SART3: variants seen among roughly 807,000 people sequenced by gnomAD.
SART3 encodes HIV-1 Tat-interacting protein of 110kDa.
SART3 carries 44 observed loss-of-function variants against 122.3 expected under a neutral mutation model. The observed-to-expected ratio is 0.36, with a 90% CI of 0.28 to 0.46. The LOEUF is 0.46. SART3 is among the 20% of genes least tolerant of loss of function. SART3 has a pLI of 1.00. For synonymous variants in SART3, 442 were observed against 454.0 expected (o/e 0.97, Z 0.34); for missense variants, 1,101 against 1,229.0 (o/e 0.90, Z 1.56).
intron 11 of SART3, 177 bp from the exon 12 acceptor site, chr12:108,535,645 A>G: frequency 1.5e-6 from 1 of 660,952 alleles, no homozygotes; most frequent in Non-Finnish European, 2.8e-6. Flanking sequence ...CAAACACTTG[A>G]GCCTTTCTGC....
Position 108,523,385 on chromosome 12 carries a change from T to G in SART3, c.*72A>C. 1 of 1,502,688 alleles carries G rather than the reference T, an allele frequency of 6.7e-7. No homozygotes were observed. Among genetic ancestry groups the G allele is most frequent in the Non-Finnish European group, 9.3e-7 (1 of 1,080,320 alleles). The allele number at this position is 1,502,688 out of a possible 1,614,324, so 93.1% of individuals were successfully genotyped here. A position where few individuals can be genotyped will look rare whatever the true frequency, so the allele number is the denominator to read the frequency against. The stretch of plus-strand genomic sequence containing the variant: ...GCACACCAGGCCTGTCCATCCCCAG[T>G]GCACTGCTGGGTGGTGGGAGGTCCG... On this transcript the variant is annotated 3_prime_UTR_variant, in exon 19 of 19. Coordinates refer to ENST00000546815, the MANE Select transcript of SART3 (RefSeq NM_014706.4).
chr12:108,530,277 C>T lies in SART3; in HGVS notation c.1780G>A (p.Glu594Lys), dbSNP rs138271214. Residue 594 changes from glutamate to lysine, a missense_variant, in exon 15 of 19, where the codon GAA (glutamate) becomes AAA (lysine). Glu to Lys is a moderately conservative substitution (Grantham distance 56). This residue lies in a region of SART3 where 885 missense variants were observed against 1,080.1 expected (regional missense o/e 0.82). Transcript: ENST00000546815. ...TTCCGTTGTTCAGCCTTTTCTTCTT[C>T]TTGCTGCACAAGGGCTGCTTCCTTC... ...AEKEAALVQQ[E>K]EEKAEQRKRA... The T allele has an allele frequency of 7.4e-5, 119 of 1,614,138 alleles. No individual in the cohort carries two copies. In the African/African-American group the frequency reaches 1.4e-3, roughly 19 times the overall value.
Position 108,536,771 on chromosome 12 carries a change from G to C in SART3, c.1324C>G (p.Leu442Val). Residue 442 changes from leucine to valine, a missense_variant, in exon 10 of 19, where the codon CTG becomes GTG. Leu to Val is a conservative substitution (Grantham distance 32). Transcript: ENST00000546815. ...GTAAAGGCGGCCCTCAACTCCTCCA[G>C]CTCTTTACTGGAGTCTAACGGAAAG... ...VDFKQDSSKE[L>V]EELRAAFTRA... 6.2e-7 allele frequency: 1 copy of C among 1,613,762 alleles called. No homozygotes were observed. The highest frequency in any genetic ancestry group is 2.2e-5 in the East Asian group (1 of 44,880).
chr12:108,556,432 T>C (rs1375209541), intron 1 of SART3, among the ~76,000 whole-genome samples: 1 of 152,194 alleles, frequency 6.6e-6, no homozygotes, highest in African/African-American at 2.4e-5. Context: ...CTGCTTTGTA[T>C]TTATCAAATT....
intron 12 of SART3, among the ~76,000 whole-genome samples, chr12:108,534,263 T>A (rs1485890604): frequency 4.6e-5 from 7 of 152,120 alleles, no homozygotes; most frequent in Admixed American, 2.0e-4. Context: ...ACATAAAAGT[T>A]TTTTGGGATC....
In SART3 at chr12:108,544,482, T is replaced by C. The variant is rs753718709; in HGVS notation, c.730-4A>G. The C allele has an allele frequency of 2.5e-6, 4 of 1,614,234 alleles. No homozygotes were observed. The Admixed American group carries it at 6.7e-5, about 27-fold the overall frequency. ...AAAGACTGTGGACTTTCTCAAGCTG[T>C]GAATCAAAGGTTTGTTCCCGGTCAA... is the stretch of plus-strand genomic sequence containing the variant. On this transcript the variant is annotated splice_polypyrimidine_tract_variant and splice_region_variant and intron_variant, in intron 4 of 18. Coordinates refer to ENST00000546815, the MANE Select transcript of SART3 (RefSeq NM_014706.4).
intron 16 of SART3, chr12:108,525,893 C>T (rs374132818): frequency 4.8e-6 from 3 of 622,990 alleles, no homozygotes; most frequent in South Asian, 3.9e-5. Context: ...AGTCCCTTGT[C>T]ATTGCTAAGC....
chr12:108,531,682 C>A, intron 13 of SART3: 1 of 265,304 alleles, frequency 3.8e-6, no homozygotes, highest in Admixed American at 5.0e-5. Flanking sequence ...AGACCAATAC[C>A]CACAGATAAG....
intron 12 of SART3, 177 bp from the exon 13 acceptor site, chr12:108,532,511 T>C (rs891450604): frequency 1.5e-5 from 9 of 593,702 alleles, no homozygotes; most frequent in Non-Finnish European, 2.4e-5. Context: ...TACAGTCACC[T>C]ACGAAGTATT....
chr12:108,558,028 G>A (rs2030306249), intron 1 of SART3, among the ~76,000 whole-genome samples: 1 of 152,084 alleles, frequency 6.6e-6, no homozygotes. Flanking sequence ...AATTAGCCAG[G>A]CATGGGGGTG....
chr12:108,547,770 T>TA (rs1225461012), intron 3 of SART3, 117 bp downstream of exon 3: 3 of 736,062 alleles, frequency 4.1e-6, no homozygotes, highest in Non-Finnish European at 7.2e-6. Context: ...TAAATCTTGC[T>TA]AATTGTGAAA....
chr12:108,532,214 G>A lies in SART3; in HGVS notation c.1669+8C>T, dbSNP rs1872709668. On this transcript the variant is annotated splice_region_variant and intron_variant, in intron 13 of 18. Coordinates refer to ENST00000546815, the MANE Select transcript of SART3 (RefSeq NM_014706.4). Reference sequence around the variant, plus strand: ...GGCTCCAAGCCAGAAGAGAGCTGGGGGTCCCACCTTCTGTCCTCTCCATGG... The same window carrying A: ...GGCTCCAAGCCAGAAGAGAGCTGGGAGTCCCACCTTCTGTCCTCTCCATGG... The A allele has an allele frequency of 4.3e-6, 7 of 1,610,338 alleles. No homozygotes were observed. The highest frequency in any genetic ancestry group is 5.1e-6 in the Non-Finnish European group (6 of 1,176,902).
intron 4 of SART3, 171 bp from the exon 5 acceptor site, chr12:108,544,649 C>A: frequency 1.2e-6 from 1 of 860,878 alleles, no homozygotes; most frequent in Non-Finnish European, 1.9e-6. Flanking sequence ...TCACTACAGC[C>A]TCACACTCCA....
In SART3 at chr12:108,522,277, TGTTAA is replaced by T. The variant is rs771633553; in HGVS notation, c.*1175_*1179del. ...CTTTTTAATCGGTTATATTAAAAAA[TGTTAA>T]GTTAAAAAAATATAGAAAACCCGAC... On this transcript the variant is annotated 3_prime_UTR_variant, in exon 19 of 19. Transcript: ENST00000546815. Among the ~76,000 whole-genome samples, 28 of 152,292 alleles carry T rather than the reference TGTTAA, an allele frequency of 1.8e-4. No homozygotes were observed. The highest frequency in any genetic ancestry group is 6.0e-4 in the African/African-American group (25 of 41,544).
chr12:108,538,726 A>G (rs763148761), intron 7 of SART3, among the ~76,000 whole-genome samples: 8 of 152,260 alleles, frequency 5.3e-5, no homozygotes, highest in Non-Finnish European at 8.8e-5. Context: ...CTCAACACAG[A>G]CAATATGCTC....
At chr12:108,535,997 G>C (rs983481931) in intron 11 of SART3, among the ~76,000 whole-genome samples, 2 of 152,156 alleles carry the variant, frequency 1.3e-5, no homozygotes. Context: ...GATTAGAATT[G>C]TTACAATCCT....
intron 10 of SART3, 30 bp downstream of exon 10, chr12:108,536,678 G>A (rs1475236747): frequency 2.5e-6 from 4 of 1,611,926 alleles, no homozygotes; most frequent in African/African-American, 2.7e-5. Context: ...AAATACAACT[G>A]GGCAAAACCA....
intron 6 of SART3, among the ~76,000 whole-genome samples, chr12:108,542,154 T>C (rs1873197879): frequency 6.6e-6 from 1 of 152,032 alleles, no homozygotes; most frequent in Non-Finnish European, 1.5e-5. Flanking sequence ...GCCTGAACAC[T>C]TTAACACGCA....
In SART3 at chr12:108,560,890, C is replaced by T. The variant is rs770060910; in HGVS notation, c.265G>A (p.Glu89Lys). 1.9e-6 allele frequency: 3 copies of T among 1,608,654 alleles called. No individual in the cohort carries two copies. Among genetic ancestry groups the T allele is most frequent in the Non-Finnish European group, 2.6e-6 (3 of 1,175,648 alleles). Residue 89 changes from glutamate (E) to lysine (K), a missense_variant, in exon 1 of 19, where the codon GAA becomes AAA. By Grantham distance (56) the Glu-to-Lys change is moderately conservative. Transcript: ENST00000546815. The part of the protein sequence containing the change: ...SPGEYEWEYD[E>K]EEEKNQLEIE... ...TCCAGCTGGTTTTTCTCCTCCTCTT[C>T]GTCATATTCCCACTCGTACTCCCCG...
Sources: allele counts gnomAD v4.1 joint callset (sites outside exome capture counted in the v4.1 genomes callset), GRCh38; gene constraint gnomAD v4.1.1; regional missense constraint gnomAD v4.1.1; transcripts MANE v1.5; gene names NCBI Gene and HGNC (gene_info 2026-07-23, HGNC 2026-07-21).